The following GUCY2C variants were observed in gnomAD, a reference collection of about 807,000 sequenced individuals.
The protein encoded by GUCY2C is guanylyl cyclase C.
GUCY2C carries 118 observed loss-of-function variants against 131.1 expected under a neutral mutation model. The observed-to-expected ratio is 0.90, with a 90% CI of 0.78 to 1.05. The LOEUF (loss-of-function observed/expected upper bound fraction) is 1.05. Ranked by LOEUF, GUCY2C falls within the 50% of genes least tolerant of loss-of-function variation. The pLI is 0.00. For synonymous variants in GUCY2C, 452 were observed against 457.8 expected (o/e 0.99, Z 0.16); for missense variants, 1,161 against 1,304.4 (o/e 0.89, Z 1.69).
intron 4 of GUCY2C, among the ~76,000 whole-genome samples, chr12:14,682,525 G>A (rs1948368736): frequency 6.6e-6 from 1 of 152,078 alleles, no homozygotes; most frequent in Non-Finnish European, 1.5e-5. Context: ...ACCCAGTCTC[G>A]AGCAGTTCTT....
intron 21 of GUCY2C, among the ~76,000 whole-genome samples, chr12:14,624,207 G>A (rs922299916): frequency 3.3e-5 from 5 of 152,116 alleles, no homozygotes; most frequent in African/African-American, 1.2e-4. Context: ...TTGGGAGGCC[G>A]AGGTGGGTGA....
At chr12:14,669,948 A>T in intron 9 of GUCY2C, 115 bp from the exon 10 acceptor site, 1 of 533,760 alleles carries the variant, frequency 1.9e-6, no homozygotes, top group South Asian at 2.7e-5. Flanking sequence ...ATTCTCAGTG[A>T]AAAAAGGCAA....
intron 9 of GUCY2C, among the ~76,000 whole-genome samples, chr12:14,670,563 A>G (rs12815726): frequency 3.3e-5 from 5 of 152,036 alleles, no homozygotes; most frequent in African/African-American, 1.2e-4. Context: ...CTTGAATTGT[A>G]TCTCCCAGAC....
At chr12:14,616,030 G>A (rs1176668480) in intron 25 of GUCY2C, among the ~76,000 whole-genome samples, 1 of 152,138 alleles carries the variant, frequency 6.6e-6, no homozygotes, top group Non-Finnish European at 1.5e-5. Flanking sequence ...CTGGAATAGC[G>A]ATTCTCAAAT....
chr12:14,656,362 G>A, intron 12 of GUCY2C, 150 bp downstream of exon 12: 1 of 582,688 alleles, frequency 1.7e-6, no homozygotes, highest in Non-Finnish European at 3.1e-6. Context: ...AGAATCAAGG[G>A]GAAGGGAGAG....
chr12:14,665,875 G>C (rs1027158987), intron 10 of GUCY2C: 1 of 152,184 alleles, frequency 6.6e-6, no homozygotes, highest in African/African-American at 2.4e-5. Context: ...TTGCTGAAGC[G>C]GCTTCATTGT....
intron 21 of GUCY2C, among the ~76,000 whole-genome samples, chr12:14,622,509 C>A (rs537622902): frequency 1.3e-5 from 2 of 152,166 alleles, no homozygotes; most frequent in Non-Finnish European, 2.9e-5. Context: ...CATATACATA[C>A]TTGTCCACTT....
chr12:14,631,381 CT>C (rs1244215017), intron 19 of GUCY2C, among the ~76,000 whole-genome samples: 1 of 146,076 alleles, frequency 6.8e-6, no homozygotes, highest in East Asian at 2.0e-4. Context: ...TCCCTCCCCC[CT>C]CCCCCTACCC....
At chr12:14,657,813 A>G (rs879833891) in intron 11 of GUCY2C, among the ~76,000 whole-genome samples, 1 of 152,094 alleles carries the variant, frequency 6.6e-6, no homozygotes, top group Non-Finnish European at 1.5e-5. Flanking sequence ...AAGGTCGGGG[A>G]CTGCTGGTAT....
intron 19 of GUCY2C, among the ~76,000 whole-genome samples, chr12:14,629,030 C>T (rs1003577537): frequency 6.6e-6 from 1 of 152,024 alleles, no homozygotes; most frequent in African/African-American, 2.4e-5. Flanking sequence ...GCAAGTTTTA[C>T]GTTGGAGAGA....
rs1234128792 is a variant in GUCY2C, at chr12:14,613,027, C to G, written c.*90G>C. The G allele has an allele frequency of 5.5e-5, 59 of 1,068,878 alleles. No individual in the cohort carries two copies. Among genetic ancestry groups the G allele is most frequent in the Non-Finnish European group, 8.2e-5 (58 of 710,072 alleles). 66.2% of individuals were successfully genotyped at this position (1,068,878 alleles called of 1,614,324 possible). ...GTACATTTCTGCTTCATTGAGGTCT[C>G]AGGAAAATGTAAGCTTTCAGGACAC... On this transcript the variant is annotated 3_prime_UTR_variant, in exon 27 of 27. Coordinates refer to ENST00000261170, the MANE Select transcript of GUCY2C (RefSeq NM_004963.4). The surrounding 1 kb of genome is among the most constrained non-coding windows in gnomAD (Gnocchi z 4.9).
chr12:14,638,556 C>A (rs772056775), intron 19 of GUCY2C, among the ~76,000 whole-genome samples: 1 of 152,162 alleles, frequency 6.6e-6, no homozygotes, highest in Non-Finnish European at 1.5e-5. Flanking sequence ...GAAATCATGT[C>A]ATTTGCAGCA....
intron 19 of GUCY2C, among the ~76,000 whole-genome samples, chr12:14,630,924 T>C (rs1947129068): frequency 6.6e-6 from 1 of 152,138 alleles, no homozygotes; most frequent in Non-Finnish European, 1.5e-5. Flanking sequence ...AAAAAAGGGC[T>C]TGAGAAAGGA....
intron 3 of GUCY2C, among the ~76,000 whole-genome samples, chr12:14,683,885 A>C (rs1182687838): frequency 6.6e-6 from 1 of 152,004 alleles, no homozygotes; most frequent in African/African-American, 2.4e-5. Context: ...TTTTTCATTT[A>C]TTTTAGTGTT....
intron 10 of GUCY2C, among the ~76,000 whole-genome samples, chr12:14,662,542 G>T (rs548146188): frequency 6.6e-6 from 1 of 152,002 alleles, no homozygotes; most frequent in Non-Finnish European, 1.5e-5. Flanking sequence ...TGGCCGTGGT[G>T]GTGGGTGCCT....
intron 20 of GUCY2C, 68 bp downstream of exon 20, chr12:14,628,578 C>T: frequency 1.2e-6 from 1 of 866,596 alleles, no homozygotes; most frequent in Non-Finnish European, 2.0e-6. Flanking sequence ...TAAGGTGCCA[C>T]TGAATGTCAA....
At chr12:14,615,106 T>A (rs764514831) in intron 25 of GUCY2C, among the ~76,000 whole-genome samples, 163 bp from the exon 26 acceptor site, 5 of 152,222 alleles carry the variant, frequency 3.3e-5, no homozygotes, top group African/African-American at 9.6e-5. Context: ...ATTTGCATTA[T>A]CTCTAGACAG....
intron 10 of GUCY2C, among the ~76,000 whole-genome samples, chr12:14,664,365 G>A (rs1048346008): frequency 3.3e-5 from 5 of 151,980 alleles, no homozygotes; most frequent in Admixed American, 2.6e-4. Flanking sequence ...CCACTCACTG[G>A]TCTATCAAAA....
At chr12:14,684,383 A>G (rs1046889969) in intron 3 of GUCY2C, among the ~76,000 whole-genome samples, 12 of 151,886 alleles carry the variant, frequency 7.9e-5, no homozygotes, top group Admixed American at 4.6e-4. Context: ...TACTCATTAA[A>G]ATTTTACCCA....
Sources: allele counts gnomAD v4.1 joint callset (sites outside exome capture counted in the v4.1 genomes callset), GRCh38; gene constraint gnomAD v4.1.1; non-coding constraint Gnocchi (gnomAD v3.1); transcripts MANE v1.5; gene names NCBI Gene and HGNC (gene_info 2026-07-23, HGNC 2026-07-21).